ORC5: variants seen among roughly 807,000 people sequenced by gnomAD.
ORC5 encodes the protein origin recognition complex subunit 5, also known as protein phosphatase 1, regulatory subunit 117.
In ORC5, 39 loss-of-function variants were observed where a neutral mutation model predicts 58.8. The observed-to-expected ratio is 0.66, with a 90% CI of 0.51 to 0.87. The LOEUF is 0.87. Ranked by LOEUF, ORC5 falls within the 40% of genes least tolerant of loss-of-function variation. The pLI, the probability that ORC5 is intolerant of heterozygous loss-of-function variation, is 0.00. For synonymous variants in ORC5, 218 were observed against 177.6 expected (o/e 1.23, Z -1.81); for missense variants, 493 against 506.3 (o/e 0.97, Z 0.25).
At chr7:104,131,712 C>T (rs1170513811) in intron 13 of ORC5, among the ~76,000 whole-genome samples, 3 of 151,920 alleles carry the variant, frequency 2.0e-5, no homozygotes, top group Admixed American at 6.6e-5. Context: ...ATTATTTGGG[C>T]GTTGTGGCAC....
intron 11 of ORC5, among the ~76,000 whole-genome samples, chr7:104,164,429 T>C (rs766470066): frequency 1.3e-5 from 2 of 152,016 alleles, no homozygotes; most frequent in Non-Finnish European, 2.9e-5. Flanking sequence ...CAAAAACAGA[T>C]AAATAATAAA....
At chr7:104,151,584 T>C (rs1798848183) in intron 12 of ORC5, among the ~76,000 whole-genome samples, 1 of 152,196 alleles carries the variant, frequency 6.6e-6, no homozygotes, top group Non-Finnish European at 1.5e-5. Context: ...GATGAATTAA[T>C]AAATGATTAG....
intron 8 of ORC5, among the ~76,000 whole-genome samples, chr7:104,174,896 C>A (rs1799291815): frequency 6.6e-6 from 1 of 152,156 alleles, no homozygotes; most frequent in South Asian, 2.1e-4. Flanking sequence ...ACTAGCAGGC[C>A]ACTGCACACA....
chr7:104,131,724 C>T (rs1430376289), intron 13 of ORC5, among the ~76,000 whole-genome samples: 1 of 151,960 alleles, frequency 6.6e-6, no homozygotes. Context: ...TTGTGGCACA[C>T]GCCTGTAATC....
intron 12 of ORC5, among the ~76,000 whole-genome samples, chr7:104,156,103 C>T (rs1009589657): frequency 9.2e-5 from 14 of 151,440 alleles, no homozygotes; most frequent in South Asian, 4.2e-4. Context: ...GAATGAAATA[C>T]CAGAATTAAT....
intron 5 of ORC5, among the ~76,000 whole-genome samples, chr7:104,192,672 C>G (rs1018632174): frequency 4.0e-5 from 6 of 151,034 alleles, no homozygotes; most frequent in African/African-American, 1.5e-4. Flanking sequence ...TAATGGATAC[C>G]CAAGATGGAG....
chr7:104,146,054 G>A (rs2115790466), intron 12 of ORC5, among the ~76,000 whole-genome samples: 1 of 152,286 alleles, frequency 6.6e-6, no homozygotes, highest in Non-Finnish European at 1.5e-5. Flanking sequence ...CAAACAAAAG[G>A]AAATAATAAA....
chr7:104,143,266 T>C (rs768978562), intron 12 of ORC5, among the ~76,000 whole-genome samples: 1 of 152,206 alleles, frequency 6.6e-6, no homozygotes. Flanking sequence ...CACTCACATA[T>C]TTAGATTCTT....
chr7:104,195,146 T>G lies in ORC5; in HGVS notation c.550A>C (p.Ile184Leu). Residue 184 changes from isoleucine (I) to leucine (L), a missense_variant, in exon 5 of 14, where the codon ATA becomes CTA. This residue lies in a region of ORC5 where 412 missense variants were observed against 403.7 expected (regional missense o/e 1.02). Transcript: ENST00000297431. ...AAAACAATGTTTTAAGGTTTACCTA[T>G]GCTGTAATCAGGGAAATATAAGACA... ...PFVLYFPDYS[I>L]GNLQKILSHD... 6.6e-7 allele frequency: 1 copy of G among 1,517,122 alleles called. No homozygotes were observed. Among genetic ancestry groups the G allele is most frequent in the Non-Finnish European group, 8.9e-7 (1 of 1,122,262 alleles). The allele number at this position is 1,517,122 out of a possible 1,614,324, so 94.0% of individuals were successfully genotyped here.
rs1341205558 is a variant in ORC5 at position 104,173,843 on chromosome 7, TTC to T, written c.825-5320_825-5319del. Among the ~76,000 whole-genome samples the T allele has an allele frequency of 3.2e-4, 29 of 89,448 alleles. 4 individuals are homozygous for T. The highest frequency in any genetic ancestry group is 8.5e-4 in the East Asian group (3 of 3,520). The allele number at this position is 89,448 out of a possible 152,430, so 58.7% of individuals were successfully genotyped here. A position where few individuals can be genotyped will look rare whatever the true frequency, so the allele number is the denominator to read the frequency against. On this transcript the variant is annotated intron_variant, in intron 8 of 13. Transcript: ENST00000297431. Reference sequence around the variant, plus strand: ...TCTGCATACCTGGGTTTAAAATTTTTTCTTTTTTTTTTTTTTTTTGAGACGGA... The same window carrying T: ...TCTGCATACCTGGGTTTAAAATTTTTTTTTTTTTTTTTTTTTTGAGACGGA...
intron 8 of ORC5, among the ~76,000 whole-genome samples, chr7:104,177,962 G>T (rs1237337642): frequency 6.6e-6 from 1 of 152,162 alleles, no homozygotes; most frequent in Non-Finnish European, 1.5e-5. Flanking sequence ...TCTTTATCCA[G>T]TCTATCATTG....
intron 1 of ORC5, among the ~76,000 whole-genome samples, chr7:104,205,071 T>C (rs1235983442): frequency 6.7e-6 from 1 of 150,102 alleles, no homozygotes; most frequent in Non-Finnish European, 1.5e-5. Context: ...GAAAACTTGA[T>C]TTTTTAATAA....
At chr7:104,205,627 A>C (rs1031189392) in intron 1 of ORC5, among the ~76,000 whole-genome samples, 1 of 152,202 alleles carries the variant, frequency 6.6e-6, no homozygotes, top group East Asian at 1.9e-4. Flanking sequence ...CAACTGCTAA[A>C]AATAGACTAA....
chr7:104,205,945 C>T (rs2116125852), intron 1 of ORC5, among the ~76,000 whole-genome samples: 1 of 152,242 alleles, frequency 6.6e-6, no homozygotes, highest in Non-Finnish European at 1.5e-5. Context: ...GAGGCAGAGA[C>T]TGCAGTGAGC....
At chr7:104,150,679 C>T (rs181944269) in intron 12 of ORC5, among the ~76,000 whole-genome samples, 25 of 152,240 alleles carry the variant, frequency 1.6e-4, no homozygotes, top group East Asian at 3.9e-4. Flanking sequence ...ATGCAAACTG[C>T]CTGCAAATCT....
At chr7:104,187,279 T>C (rs1161523233) in intron 6 of ORC5, among the ~76,000 whole-genome samples, 1 of 152,142 alleles carries the variant, frequency 6.6e-6, no homozygotes, top group African/African-American at 2.4e-5. Flanking sequence ...CTGGAAAAAC[T>C]GTTTTGTTTT....
chr7:104,194,208 T>C (rs1330337586), intron 5 of ORC5, among the ~76,000 whole-genome samples: 1 of 151,826 alleles, frequency 6.6e-6, no homozygotes, highest in Non-Finnish European at 1.5e-5. Context: ...TCCATCTATT[T>C]TGGGTTGCTG....
chr7:104,193,088 T>C (rs969394857), intron 5 of ORC5, among the ~76,000 whole-genome samples: 1 of 152,026 alleles, frequency 6.6e-6, no homozygotes, highest in Non-Finnish European at 1.5e-5. Flanking sequence ...CTGAAATTTT[T>C]CCAAAGCTGA....
At chr7:104,203,503 T>G (rs1451953351) in intron 2 of ORC5, among the ~76,000 whole-genome samples, 2 of 152,220 alleles carry the variant, frequency 1.3e-5, no homozygotes, top group African/African-American at 4.8e-5. Flanking sequence ...CTTTATTGAG[T>G]GCTTACTACG....
Sources: gnomAD v4.1 joint callset for allele counts (sites outside exome capture counted in the v4.1 genomes callset) on GRCh38, gnomAD v4.1.1 for gene constraint, gnomAD v4.1.1 regional missense constraint, MANE v1.5 for transcripts, NCBI Gene and HGNC (gene_info 2026-07-23, HGNC 2026-07-21) for gene names.